The following ABCG8 variants were observed in gnomAD, a reference collection of about 807,000 sequenced individuals.
ABCG8 encodes ATP-binding cassette sub-family G member 8.
Under a neutral mutation model 71.3 loss-of-function variants are expected in ABCG8, and 81 were observed. That is an observed-to-expected ratio of 1.14 (90% CI 0.95 to 1.37). The LOEUF (loss-of-function observed/expected upper bound fraction) is 1.37, where lower values mean the gene tolerates loss of function less well. Ranked by LOEUF, ABCG8 falls within the 40% of genes most tolerant of loss-of-function variation. The pLI, the probability that ABCG8 is intolerant of heterozygous loss-of-function variation, is 0.00. For missense variants in ABCG8, 1,119 were observed against 866.2 expected (o/e 1.29, Z -3.66); for synonymous variants, 451 against 354.7 (o/e 1.27, Z -3.05).
At chr2:43,870,800 C>G (rs1669737643) in intron 6 of ABCG8, among the ~76,000 whole-genome samples, 1 of 152,006 alleles carries the variant, frequency 6.6e-6, no homozygotes, top group African/African-American at 2.4e-5. Flanking sequence ...TAGAATCTCA[C>G]TATCTAGATA....
intron 6 of ABCG8, among the ~76,000 whole-genome samples, chr2:43,855,366 A>T (rs1057230963): frequency 2.6e-5 from 4 of 152,068 alleles, no homozygotes; most frequent in African/African-American, 4.8e-5. Context: ...CTCTGGATAG[A>T]TCTCTTACTG....
intron 1 of ABCG8, 45 bp downstream of exon 1, chr2:43,839,161 G>GGAGAA: frequency 1.3e-6 from 2 of 1,545,426 alleles, no homozygotes; most frequent in Non-Finnish European, 1.8e-6. Flanking sequence ...TGGGCGGGTA[G>GGAGAA]GAGAAATCAA....
intron 6 of ABCG8, 139 bp from the exon 7 acceptor site, chr2:43,871,837 C>T: frequency 1.6e-6 from 2 of 1,281,964 alleles, no homozygotes; most frequent in South Asian, 1.3e-5. Context: ...CCCCTTGCTT[C>T]ATGGCTGAGG....
chr2:43,877,002 C>G (rs1256951018), intron 11 of ABCG8, among the ~76,000 whole-genome samples: 1 of 148,172 alleles, frequency 6.7e-6, no homozygotes, highest in Non-Finnish European at 1.5e-5. Context: ...TATAGGGAGA[C>G]CATGGGAATA....
intron 6 of ABCG8, among the ~76,000 whole-genome samples, chr2:43,854,820 G>A (rs1669046159): frequency 6.6e-6 from 1 of 152,134 alleles, no homozygotes; most frequent in Non-Finnish European, 1.5e-5. Context: ...CATTGCCAGG[G>A]CCTTGGAGGT....
Position 43,852,705 on chromosome 2 carries a change from C to G in ABCG8, c.801C>G (p.Ile267Met). Residue 267 changes from isoleucine to methionine, a missense_variant, in exon 6 of 13, where the codon ATC becomes ATG. Coordinates refer to ENST00000272286, the MANE Select transcript of ABCG8 (RefSeq NM_022437.3). ...RLAKGNRLVL[I>M]SLHQPRSDIF... is the part of the protein sequence containing the mutation. ...CCAAAGGCAACCGGCTGGTGCTCATCTCCCTCCACCAGCCTCGCTCTGACA... is the reference window on the plus strand; with the variant it reads ...CCAAAGGCAACCGGCTGGTGCTCATGTCCCTCCACCAGCCTCGCTCTGACA... 6.2e-7 allele frequency: 1 copy of G among 1,614,184 alleles called. No individual in the cohort carries two copies. The highest frequency in any genetic ancestry group is 8.5e-7 in the Non-Finnish European group (1 of 1,180,022).
At chr2:43,865,817 CT>C (rs890869358) in intron 6 of ABCG8, among the ~76,000 whole-genome samples, 2 of 151,754 alleles carry the variant, frequency 1.3e-5, no homozygotes, top group Non-Finnish European at 2.9e-5. Flanking sequence ...CACTATCTGT[CT>C]AGATAGATCT....
rs897579800 is a variant in ABCG8 at position 43,860,449 on chromosome 2, T to G, written c.964+7581T>G. ...ACTCTCACTATCTGGATAGAATTCT[T>G]ACACTCTGGATAGAACTCTCACTAT... On this transcript the variant is annotated intron_variant, in intron 6 of 12. Coordinates refer to ENST00000272286, the MANE Select transcript of ABCG8 (RefSeq NM_022437.3). Among the ~76,000 whole-genome samples, 103 of 149,786 alleles carry G rather than the reference T, an allele frequency of 6.9e-4. 4 individuals are homozygous for G. The highest frequency in any genetic ancestry group is 1.3e-4 in the Non-Finnish European group (9 of 66,904).
In ABCG8 at chr2:43,877,726, G is replaced by T. The variant is rs372419871; in HGVS notation, c.1884+38G>T. On this transcript the variant is annotated intron_variant, in intron 12 of 12. Coordinates refer to ENST00000272286, the MANE Select transcript of ABCG8 (RefSeq NM_022437.3). ...GGCCTCGGGTTCTAAATTATTGGAC[G>T]TCCGGCTTTCCATCCTCCTCATGAG... is the stretch of plus-strand genomic sequence containing the variant. The T allele has an allele frequency of 6.2e-6, 10 of 1,614,112 alleles. No individual in the cohort carries two copies. In the African/African-American group the frequency reaches 1.2e-4, roughly 19 times the overall value.
intron 6 of ABCG8, among the ~76,000 whole-genome samples, chr2:43,857,562 T>C (rs1430831846): frequency 6.6e-6 from 1 of 151,842 alleles, no homozygotes; most frequent in East Asian, 1.9e-4. Context: ...ATCCTCACTA[T>C]CTGGATAGAA....
intron 3 of ABCG8, among the ~76,000 whole-genome samples, chr2:43,849,377 G>A (rs1558804612): frequency 6.6e-6 from 1 of 152,200 alleles, no homozygotes; most frequent in Admixed American, 6.5e-5. Flanking sequence ...GGTGGCAGGA[G>A]AGAAGAATGA....
Position 43,852,656 on chromosome 2 carries a change from T to A in ABCG8, c.752T>A (p.Leu251Gln), listed in dbSNP as rs980048774. 2 of 1,614,068 alleles carry A rather than the reference T, an allele frequency of 1.2e-6. No individual in the cohort carries two copies. The highest frequency in any genetic ancestry group is 8.5e-7 in the Non-Finnish European group (1 of 1,180,024). ...CTCGACAGCTTCACAGCCCACAACC[T>A]GGTGAAGACCTTGTCCAGGCTGGCC... ...SGLDSFTAHN[L>Q]VKTLSRLAKG... Residue 251 changes from leucine to glutamine, a missense_variant, in exon 6 of 13, where the codon CTG becomes CAG. By Grantham distance (113) the Leu-to-Gln change is moderately radical (BLOSUM62 -2). Transcript: ENST00000272286.
intron 6 of ABCG8, among the ~76,000 whole-genome samples, chr2:43,867,649 T>C (rs1558841190): frequency 6.6e-6 from 1 of 151,314 alleles, no homozygotes; most frequent in Non-Finnish European, 1.5e-5. Context: ...CTGGATAGAA[T>C]TCTCAGTCTC....
chr2:43,865,601 A>T lies in ABCG8; in HGVS notation c.965-6375A>T, dbSNP rs187007643. Among the ~76,000 whole-genome samples the T allele has an allele frequency of 8.2e-3, 1,155 of 140,542 alleles. 2 individuals carry two copies. Among genetic ancestry groups the T allele is most frequent in the Middle Eastern group, 0.042 (10 of 238 alleles). 92.2% of individuals were successfully genotyped at this position (140,542 alleles called of 152,430 possible). ...TATCTGGATAGAATTCTCACCCTCT[A>T]GATAGAACTCTCACTATCTGGATAG... On this transcript the variant is annotated intron_variant, in intron 6 of 12. Transcript: ENST00000272286.
Position 43,873,721 on chromosome 2 carries a change from A to C in ABCG8, c.1212-66A>C, listed in dbSNP as rs993990853. ...AAAAATGAGGCTTATGGAGACTGTG[A>C]CATTCCCAGGGTCACGGGGCTGGTG... is the stretch of plus-strand genomic sequence containing the variant. On this transcript the variant is annotated intron_variant, in intron 8 of 12. Transcript: ENST00000272286. 133 of 1,532,630 alleles carry C rather than the reference A, an allele frequency of 8.7e-5. 2 individuals are homozygous for C. The highest frequency in any genetic ancestry group is 7.6e-4 in the South Asian group (68 of 88,966). The allele number at this position is 1,532,630 out of a possible 1,614,324, so 94.9% of individuals were successfully genotyped here. A position where few individuals can be genotyped will look rare whatever the true frequency, so the allele number is the denominator to read the frequency against.
chr2:43,857,757 T>C (rs1669163874), intron 6 of ABCG8, among the ~76,000 whole-genome samples: 1 of 151,338 alleles, frequency 6.6e-6, no homozygotes. Context: ...CATCTGAGGA[T>C]AGATTTCCAA....
At chr2:43,840,759 C>A (rs1392639301) in intron 1 of ABCG8, among the ~76,000 whole-genome samples, 2 of 152,208 alleles carry the variant, frequency 1.3e-5, no homozygotes, top group Non-Finnish European at 2.9e-5. Context: ...GAGCCACAAC[C>A]TGTCCCCCTT....
chr2:43,866,352 A>C (rs565089008), intron 6 of ABCG8, among the ~76,000 whole-genome samples: 64 of 152,164 alleles, frequency 4.2e-4, no homozygotes, highest in Non-Finnish European at 5.6e-4. Flanking sequence ...AATGGGATCT[A>C]ATTAAACTAA....
chr2:43,851,936 C>T, intron 4 of ABCG8, 114 bp downstream of exon 4: 1 of 1,213,634 alleles, frequency 8.2e-7, no homozygotes, highest in Non-Finnish European at 1.2e-6. Context: ...GTTTGAACAA[C>T]TCAGCTTGCC....
Sources: allele counts gnomAD v4.1 joint callset (sites outside exome capture counted in the v4.1 genomes callset), GRCh38; gene constraint gnomAD v4.1.1; transcripts MANE v1.5; gene names NCBI Gene and HGNC (gene_info 2026-07-23, HGNC 2026-07-21).